CNOT1: variants seen among roughly 807,000 people sequenced by gnomAD.
CNOT1 encodes CCR4-associated factor 1.
CNOT1 carries 15 observed loss-of-function variants against 273.8 expected under a neutral mutation model. That is an observed-to-expected ratio of 0.05 (90% CI 0.04 to 0.08). The LOEUF is 0.08. Among genes scored for constraint, CNOT1 ranks in the 10% least tolerant of loss-of-function variants. The pLI is 1.00. For synonymous variants in CNOT1, 1,022 were observed against 1,005.5 expected, an observed-to-expected ratio of 1.02 and a Z score of -0.31; for missense variants, 1,644 against 2,912.2, an observed-to-expected ratio of 0.56 and a Z score of 10.02.
chr16:58,582,290 T>TA (rs1030945541), intron 10 of CNOT1, among the ~76,000 whole-genome samples: 20 of 151,710 alleles, frequency 1.3e-4, no homozygotes, highest in African/African-American at 1.9e-4. Flanking sequence ...AGACTCCGTC[T>TA]AAAAAAAACA....
intron 34 of CNOT1, 136 bp from the exon 35 acceptor site, chr16:58,540,095 T>G: frequency 1.3e-6 from 1 of 797,680 alleles, no homozygotes; most frequent in Non-Finnish European, 1.9e-6. Flanking sequence ...GGAGGGCCTC[T>G]TCTTTTCCTT....
At chr16:58,625,147 A>T (rs1254584258) in intron 1 of CNOT1, among the ~76,000 whole-genome samples, 1 of 152,104 alleles carries the variant, frequency 6.6e-6, no homozygotes. Context: ...GAACTTTGGG[A>T]AGCTGAGGCA....
intron 1 of CNOT1, among the ~76,000 whole-genome samples, chr16:58,605,272 G>A (rs1424981688): frequency 2.1e-4 from 32 of 152,268 alleles, no homozygotes; most frequent in African/African-American, 7.0e-4. Flanking sequence ...GGAGGCTGAG[G>A]CGGGTGGATC....
At position 58,549,743 on chromosome 16, in the gene CNOT1, C is replaced by G; in HGVS notation, c.3498G>C (p.Leu1166=). 2 of 1,611,414 alleles carry G rather than the reference C, an allele frequency of 1.2e-6. No homozygotes were observed. The highest frequency in any genetic ancestry group is 1.7e-6 in the Non-Finnish European group (2 of 1,179,462). Residue 1166 remains leucine, a synonymous_variant, in exon 25 of 49, where the codon CTG becomes CTC. Coordinates refer to ENST00000317147, the MANE Select transcript of CNOT1 (RefSeq NM_016284.5). ...LKNPEFNKMV[L]NETYRNIKVL... is the part of the protein sequence containing the mutation. ...CTTTAATGTTTCTGTAGGTCTCATT[C>G]AGAACCATCTTGTTAAATTCAGGAT...
chr16:58,521,360 C>G (rs778804211), intron 47 of CNOT1, 43 bp from the exon 48 acceptor site: 3 of 1,550,836 alleles, frequency 1.9e-6, no homozygotes, highest in Non-Finnish European at 2.6e-6. Flanking sequence ...TAGAAGCATA[C>G]AAATTCATGA....
rs901905517 is a variant in CNOT1, at chr16:58,547,867, G to A, written c.3523-185C>T. Among the ~76,000 whole-genome samples the A allele has an allele frequency of 1.1e-4, 16 of 152,114 alleles. No homozygotes were observed. Among genetic ancestry groups the A allele is most frequent in the African/African-American group, 3.9e-4 (16 of 41,416 alleles). ...TTTGCTGTGTTTATGATTCAACAGTGCTATTTTTACCTTGAAGAAGTCTTT... is the reference window on the plus strand; with the variant it reads ...TTTGCTGTGTTTATGATTCAACAGTACTATTTTTACCTTGAAGAAGTCTTT... On this transcript the variant is annotated intron_variant, in intron 25 of 48. Coordinates refer to ENST00000317147, the MANE Select transcript of CNOT1 (RefSeq NM_016284.5). The surrounding 1 kb of genome is among the most constrained non-coding windows in gnomAD (Gnocchi z 4.0).
At chr16:58,580,822 GT>G in intron 11 of CNOT1, 62 bp from the exon 12 acceptor site, 2 of 1,471,014 alleles carry the variant, frequency 1.4e-6, no homozygotes, top group Non-Finnish European at 1.9e-6. Flanking sequence ...AATCTGAAAT[GT>G]TTTCACTAGG....
intron 2 of CNOT1, among the ~76,000 whole-genome samples, chr16:58,592,639 A>G (rs1445520457): frequency 2.6e-5 from 4 of 152,204 alleles, no homozygotes. Context: ...ACCTCTAAAA[A>G]TGGGCCAAAT....
intron 47 of CNOT1, among the ~76,000 whole-genome samples, chr16:58,521,695 G>C (rs981669253): frequency 6.6e-6 from 1 of 152,210 alleles, no homozygotes; most frequent in Non-Finnish European, 1.5e-5. Context: ...GCTCATGCCT[G>C]TAATCCAGCA....
intron 8 of CNOT1, among the ~76,000 whole-genome samples, chr16:58,584,823 G>T (rs1248544666): frequency 6.6e-6 from 1 of 152,088 alleles, no homozygotes. Context: ...TTTGCTTTTA[G>T]AAAAATATTA....
chr16:58,539,849 C>G lies in CNOT1; in HGVS notation c.4911G>C (p.Gln1637His). ...PPTLAMNPQA[Q>H]ALRSLLEVVV... ...CAACCTCCAAGAGACTTCGAAGAGCCTGAGCTTGAGGGTTCATGGCCAAAG... is the reference window on the plus strand; with the variant it reads ...CAACCTCCAAGAGACTTCGAAGAGCGTGAGCTTGAGGGTTCATGGCCAAAG... Residue 1637 changes from glutamine to histidine, a missense_variant, in exon 35 of 49, where the codon CAG becomes CAC. This residue lies in a region of CNOT1 where 170 missense variants were observed against 273.1 expected (regional missense o/e 0.62). Transcript: ENST00000317147. 6.2e-7 allele frequency: 1 copy of G among 1,614,136 alleles called. No individual in the cohort carries two copies. The highest frequency in any genetic ancestry group is 8.5e-7 in the Non-Finnish European group (1 of 1,180,026).
chr16:58,625,250 C>T (rs895552008), intron 1 of CNOT1, among the ~76,000 whole-genome samples: 4 of 152,054 alleles, frequency 2.6e-5, no homozygotes, highest in East Asian at 3.9e-4. Context: ...CAGTGGCTCA[C>T]GCCTGTAATC....
intron 1 of CNOT1, among the ~76,000 whole-genome samples, chr16:58,620,004 T>C (rs972473163): frequency 3.3e-5 from 5 of 152,126 alleles, no homozygotes; most frequent in African/African-American, 7.2e-5. Context: ...CCACCACCGA[T>C]AGATCTTTTC....
chr16:58,532,401 TA>T lies in CNOT1; in HGVS notation c.5896-7del, dbSNP rs1298684276. On this transcript the variant is annotated splice_region_variant and splice_polypyrimidine_tract_variant and intron_variant, in intron 40 of 48. Transcript: ENST00000317147. ...CCCACTACTATACCAAGGACCTACG[TA>T]AAACACAAATCAGAGCTTGTAAATC... The T allele has an allele frequency of 6.2e-7, 1 of 1,610,138 alleles. No individual in the cohort carries two copies. Among genetic ancestry groups the T allele is most frequent in the Non-Finnish European group, 8.5e-7 (1 of 1,176,820 alleles).
At position 58,580,664 on chromosome 16, in the gene CNOT1, G is replaced by A; in HGVS notation, c.1312C>T (p.Pro438Ser). 1 of 1,612,936 alleles carries A rather than the reference G, an allele frequency of 6.2e-7. No individual in the cohort carries two copies. Among genetic ancestry groups the A allele is most frequent in the Non-Finnish European group, 8.5e-7 (1 of 1,179,516 alleles). The change falls in exon 12 of 49, where the codon CCA (proline) becomes TCA (serine). Residue 438 changes from proline (P) to serine (S), a missense_variant. Pro to Ser is a moderately conservative substitution (Grantham distance 74, BLOSUM62 -1). Coordinates refer to ENST00000317147, the MANE Select transcript of CNOT1 (RefSeq NM_016284.5). The part of the protein sequence containing the change: ...TVATDILKAP[P>S]EDDNREIATW... ...GCAATTTCTCGATTGTCATCCTCTG[G>A]TGGTGCTTTCAGAATATCAGTGGCA... is the stretch of plus-strand genomic sequence containing the variant.
intron 40 of CNOT1, chr16:58,532,856 T>C (rs1239846183): frequency 6.4e-6 from 1 of 156,124 alleles, no homozygotes; most frequent in African/African-American, 2.4e-5. Context: ...AGTGAGGGGC[T>C]TGAAGAACAC....
intron 1 of CNOT1, among the ~76,000 whole-genome samples, chr16:58,605,152 C>CAA (rs2042627137): frequency 1.3e-5 from 2 of 149,668 alleles, no homozygotes; most frequent in African/African-American, 4.9e-5. Context: ...AAAACAAAAA[C>CAA]AAACAAACAC....
chr16:58,574,966 C>T (rs1274208503), intron 15 of CNOT1, 41 bp downstream of exon 15: 1 of 1,603,492 alleles, frequency 6.2e-7, no homozygotes, highest in Non-Finnish European at 8.5e-7. Flanking sequence ...TTTTAGCCAC[C>T]AAAATTTAAG....
chr16:58,525,855 C>G, intron 45 of CNOT1, 134 bp downstream of exon 45: 2 of 739,346 alleles, frequency 2.7e-6, no homozygotes. Context: ...ATACGTAAAT[C>G]CAGTTAATCA....
Sources: allele counts gnomAD v4.1 joint callset (sites outside exome capture counted in the v4.1 genomes callset), GRCh38; gene constraint gnomAD v4.1.1; regional missense constraint gnomAD v4.1.1; non-coding constraint Gnocchi (gnomAD v3.1); transcripts MANE v1.5; gene names NCBI Gene and HGNC (gene_info 2026-07-23, HGNC 2026-07-21).